ZNF471: variants seen among roughly 807,000 people sequenced by gnomAD.
ZNF471 encodes zinc finger protein 471.
In ZNF471, 7 loss-of-function variants were observed where a neutral mutation model predicts 13.7. The observed-to-expected ratio is 0.51, with a 90% CI of 0.29 to 0.96. The LOEUF is 0.96. Ranked by LOEUF, ZNF471 falls within the 40% of genes least tolerant of loss-of-function variation. The pLI, the probability that ZNF471 is intolerant of heterozygous loss-of-function variation, is 0.08. For missense variants in ZNF471, 663 were observed against 743.3 expected (o/e 0.89, Z 1.26); for synonymous variants, 218 against 235.6 (o/e 0.93, Z 0.68).
Position 56,509,750 on chromosome 19 carries a change from TGTGTA to T in ZNF471, c.-55-1765_-55-1761del. 1.7e-5 allele frequency: 5 copies of T among 301,580 alleles called. No individual in the cohort carries two copies. The South Asian group carries it at 6.6e-4, about 40-fold the overall frequency. The allele number at this position is 301,580 out of a possible 1,614,324, so 18.7% of individuals were successfully genotyped here. A position where few individuals can be genotyped will look rare whatever the true frequency, so the allele number is the denominator to read the frequency against. On this transcript the variant is annotated intron_variant, in intron 1 of 4. Transcript: ENST00000308031. The stretch of plus-strand genomic sequence containing the variant: ...GTGTGTGTGTGTGTGTGTGTGTGTG[TGTGTA>T]GATCCCCACACATCTGGTCTTAGAA...
rs1356505721 is a variant in ZNF471 at position 56,507,875 on chromosome 19, C to A, written c.-101C>A. The A allele has an allele frequency of 9.1e-6, 9 of 985,402 alleles. No homozygotes were observed. Among genetic ancestry groups the A allele is most frequent in the Non-Finnish European group, 1.1e-5 (9 of 830,048 alleles). 61.0% of individuals were successfully genotyped at this position (985,402 alleles called of 1,614,324 possible). A position where few individuals can be genotyped will look rare whatever the true frequency, so the allele number is the denominator to read the frequency against. ...GATGGGGGGTTCCAGCGTCGACTCA[C>A]GGAGTCCTTCGGATGAGAGCGTCTG... On this transcript the variant is annotated 5_prime_UTR_variant, in exon 1 of 5. Transcript: ENST00000308031.
At chr19:56,518,692 C>G (rs1210156015) in intron 4 of ZNF471, 115 bp downstream of exon 4, 1 of 797,428 alleles carries the variant, frequency 1.3e-6, no homozygotes, top group Non-Finnish European at 1.9e-6. Flanking sequence ...CCTTACAGGC[C>G]TGGAGAGAAA....
intron 4 of ZNF471, among the ~76,000 whole-genome samples, chr19:56,523,020 G>A (rs55990637): frequency 0.04 from 6,039 of 152,278 alleles, 157 homozygotes; most frequent in East Asian, 0.11. Context: ...ACAGGCATGA[G>A]CCATTGCACC....
In ZNF471 at chr19:56,525,555, T is replaced by C. The variant is rs765040103; in HGVS notation, c.1488T>C (p.Phe496=). ...AATGTAAAGAATGTGGAAAAGCTTT[T>C]AGAATCAGTTCACAGCTGGCTACTC... is the stretch of plus-strand genomic sequence containing the variant. ...PYECKECGKA[F]RISSQLATHQ... The change falls in exon 5 of 5, where the codon TTT becomes TTC. Residue 496 remains phenylalanine, a synonymous_variant. Coordinates refer to ENST00000308031, the MANE Select transcript of ZNF471 (RefSeq NM_020813.4). The C allele has an allele frequency of 6.2e-7, 1 of 1,613,990 alleles. No individual in the cohort carries two copies. Among genetic ancestry groups the C allele is most frequent in the Admixed American group, 1.7e-5 (1 of 60,022 alleles).
Position 56,516,443 on chromosome 19 carries a change from C to CT in ZNF471, c.160+48dup. On this transcript the variant is annotated intron_variant, in intron 3 of 4. Coordinates refer to ENST00000308031, the MANE Select transcript of ZNF471 (RefSeq NM_020813.4). This position sits in a 1 kb window ranked among gnomAD's most constrained non-coding sequence, Gnocchi z 4.4. The stretch of plus-strand genomic sequence containing the variant: ...TCCTGCATAATCTACCTTTAAGGAA[C>CT]TTTTTTGTCTATATATTATTAAATT... 1.3e-6 allele frequency: 2 copies of CT among 1,556,754 alleles called. No homozygotes were observed. Among genetic ancestry groups the CT allele is most frequent in the Non-Finnish European group, 1.7e-6 (2 of 1,154,844 alleles).
chr19:56,523,869 G>C (rs2044008202), intron 4 of ZNF471, among the ~76,000 whole-genome samples: 1 of 152,148 alleles, frequency 6.6e-6, no homozygotes, highest in Non-Finnish European at 1.5e-5. Flanking sequence ...TGTTGCCTAA[G>C]CTGGAGTGCA....
rs1313483126 is a variant in ZNF471, at chr19:56,528,590, A to T, written c.*2642A>T. ...GGTGATTAGCACATGTAGTATGCTTAACATTTAATATTATAATAAGACATC... is the reference window on the plus strand; with the variant it reads ...GGTGATTAGCACATGTAGTATGCTTTACATTTAATATTATAATAAGACATC... On this transcript the variant is annotated 3_prime_UTR_variant, in exon 5 of 5. Transcript: ENST00000308031. 1 of 152,208 alleles carries T rather than the reference A, an allele frequency of 6.6e-6. No homozygotes were observed. The highest frequency in any genetic ancestry group is 1.9e-4 in the East Asian group (1 of 5,196). The allele number at this position is 152,208 out of a possible 1,614,324, so 9.4% of individuals were successfully genotyped here. A position where few individuals can be genotyped will look rare whatever the true frequency, so the allele number is the denominator to read the frequency against.
At position 56,526,055 on chromosome 19, in the gene ZNF471, C is replaced by T; in HGVS notation, c.*107C>T. Reference sequence around the variant, plus strand: ...TATAAATGTAAGAAATGTAGAAAAACCTTCAGCCAGGAGGCTGGCAAGATG... The same window carrying T: ...TATAAATGTAAGAAATGTAGAAAAATCTTCAGCCAGGAGGCTGGCAAGATG... On this transcript the variant is annotated 3_prime_UTR_variant, in exon 5 of 5. Transcript: ENST00000308031. 1 of 1,269,636 alleles carries T rather than the reference C, an allele frequency of 7.9e-7. No homozygotes were observed. The highest frequency in any genetic ancestry group is 1.1e-6 in the Non-Finnish European group (1 of 938,720). The allele number at this position is 1,269,636 out of a possible 1,614,324, so 78.6% of individuals were successfully genotyped here.
In ZNF471 at chr19:56,526,509, GAA is replaced by G. The variant is rs1216039576; in HGVS notation, c.*563_*564del. 1 of 152,686 alleles carries G rather than the reference GAA, an allele frequency of 6.5e-6. No homozygotes were observed. The highest frequency in any genetic ancestry group is 2.4e-5 in the African/African-American group (1 of 41,436). The allele number at this position is 152,686 out of a possible 1,614,324, so 9.5% of individuals were successfully genotyped here. A position where few individuals can be genotyped will look rare whatever the true frequency, so the allele number is the denominator to read the frequency against. On this transcript the variant is annotated 3_prime_UTR_variant, in exon 5 of 5. Transcript: ENST00000308031. ...GCCCAGTGGCACCTGGAATGCCAGTGAAACAGAACCGCTTACTCCCTTGTTAA... is the reference window on the plus strand; with the variant it reads ...GCCCAGTGGCACCTGGAATGCCAGTGACAGAACCGCTTACTCCCTTGTTAA...
In ZNF471 at chr19:56,516,329, T is replaced by C; in HGVS notation, c.88T>C (p.Trp30Arg). The change falls in exon 3 of 5, where the codon TGG becomes CGG. Residue 30 changes from tryptophan (W) to arginine (R), a missense_variant. Transcript: ENST00000308031. This position sits in a 1 kb window ranked among gnomAD's most constrained non-coding sequence, Gnocchi z 4.4. ...AIDFSQEEWQ[W>R]MNPAQKRLYR... ...AGATTTTTCCCAGGAAGAATGGCAA[T>C]GGATGAACCCTGCTCAGAAGCGTTT... 5 of 1,613,966 alleles carry C rather than the reference T, an allele frequency of 3.1e-6. No homozygotes were observed. The highest frequency in any genetic ancestry group is 1.3e-5 in the African/African-American group (1 of 75,056).
At chr19:56,511,456 A>G (rs1180289545) in intron 1 of ZNF471, 61 bp from the exon 2 acceptor site, 28 of 1,297,924 alleles carry the variant, frequency 2.2e-5, no homozygotes, top group Non-Finnish European at 3.0e-5. Context: ...GTTTTAGGCT[A>G]GTGATTCTGG....
chr19:56,527,715 A>G lies in ZNF471; in HGVS notation c.*1767A>G, dbSNP rs944906500. 6.6e-6 allele frequency: 1 copy of G among 152,244 alleles called. No individual in the cohort carries two copies. The highest frequency in any genetic ancestry group is 1.5e-5 in the Non-Finnish European group (1 of 68,042). The allele number at this position is 152,244 out of a possible 1,614,324, so 9.4% of individuals were successfully genotyped here. On this transcript the variant is annotated 3_prime_UTR_variant, in exon 5 of 5. Coordinates refer to ENST00000308031, the MANE Select transcript of ZNF471 (RefSeq NM_020813.4). ...AACCTTCAGCCAGATTGAATGCTTT[A>G]CAGGGAAGAATTCATACTGCAGAGC... is the stretch of plus-strand genomic sequence containing the variant.
At chr19:56,517,747 G>A (rs1011174254) in intron 3 of ZNF471, among the ~76,000 whole-genome samples, 2 of 152,164 alleles carry the variant, frequency 1.3e-5, no homozygotes, top group African/African-American at 2.4e-5. Flanking sequence ...AGCTCAGATT[G>A]GATAATTTCT....
chr19:56,517,078 T>G (rs61144294), intron 3 of ZNF471, among the ~76,000 whole-genome samples: 35,439 of 151,746 alleles, frequency 0.23, 4,350 homozygotes, highest in Middle Eastern at 0.26. Context: ...GTGCCCTAGG[T>G]AACTAAGGAT....
In ZNF471 at chr19:56,516,240, G is replaced by A. The variant is rs1329358521; in HGVS notation, c.34-35G>A. 6.2e-7 allele frequency: 1 copy of A among 1,606,798 alleles called. No homozygotes were observed. Among genetic ancestry groups the A allele is most frequent in the East Asian group, 2.2e-5 (1 of 44,638 alleles). On this transcript the variant is annotated intron_variant, in intron 2 of 4. Transcript: ENST00000308031. The surrounding 1 kb of genome is among the most constrained non-coding windows in gnomAD (Gnocchi z 4.4). ...AACTCAGAGTTATCTTTGGACACGA[G>A]CATTGGTTGGTTAAGAATATATTTG... is the stretch of plus-strand genomic sequence containing the variant.
chr19:56,525,012 G>A lies in ZNF471; in HGVS notation c.945G>A (p.Glu315=). The change falls in exon 5 of 5, where the codon GAG becomes GAA. Residue 315 remains glutamate (E), a synonymous_variant. Coordinates refer to ENST00000308031, the MANE Select transcript of ZNF471 (RefSeq NM_020813.4). ...AGCATCAGAGAATTCATACTGGAGA[G>A]AAACCCTATGAATGTAAAGAATGTG... The part of the protein sequence containing the change: ...LAQHQRIHTG[E]KPYECKECGK... 1 of 1,614,006 alleles carries A rather than the reference G, an allele frequency of 6.2e-7. No homozygotes were observed. The highest frequency in any genetic ancestry group is 8.5e-7 in the Non-Finnish European group (1 of 1,179,958).
rs895625541 is a variant in ZNF471, at chr19:56,522,211, GAC to G, written c.257-2109_257-2108del. ...TCAGAGCATTTCTCCATCATTAAGTGACACAAGACTATTTTGTTATAGCAACC... is the reference window on the plus strand; with the variant it reads ...TCAGAGCATTTCTCCATCATTAAGTGACAAGACTATTTTGTTATAGCAACC... On this transcript the variant is annotated intron_variant, in intron 4 of 4. Coordinates refer to ENST00000308031, the MANE Select transcript of ZNF471 (RefSeq NM_020813.4). This position sits in a 1 kb window ranked among gnomAD's most constrained non-coding sequence, Gnocchi z 4.1. Among the ~76,000 whole-genome samples, 13 of 152,130 alleles carry G rather than the reference GAC, an allele frequency of 8.5e-5. No individual in the cohort carries two copies. The highest frequency in any genetic ancestry group is 1.2e-4 in the African/African-American group (5 of 41,414).
Position 56,524,928 on chromosome 19 carries a change from A to G in ZNF471, c.861A>G (p.Glu287=). The G allele has an allele frequency of 6.2e-7, 1 of 1,613,852 alleles. No individual in the cohort carries two copies. The highest frequency in any genetic ancestry group is 1.6e-4 in the Middle Eastern group (1 of 6,062). The part of the protein sequence containing the change: ...LIQHQRIHTG[E]KPYKCKECRK... ...AGCATCAAAGAATTCATACTGGAGA[A>G]AAACCATATAAATGTAAGGAATGCA... Residue 287 remains glutamate, a synonymous_variant, in exon 5 of 5, where the codon GAA becomes GAG. Transcript: ENST00000308031. The surrounding 1 kb of genome is among the most constrained non-coding windows in gnomAD (Gnocchi z 4.8).
rs1250697493 is a variant in ZNF471, at chr19:56,526,682, C to G, written c.*734C>G. On this transcript the variant is annotated 3_prime_UTR_variant, in exon 5 of 5. Coordinates refer to ENST00000308031, the MANE Select transcript of ZNF471 (RefSeq NM_020813.4). Reference sequence around the variant, plus strand: ...GCTTGGTGGGGGGAGGGGCGCCAACCATTACCAAAGCTTGAATAGGTGGTT... The same window carrying G: ...GCTTGGTGGGGGGAGGGGCGCCAACGATTACCAAAGCTTGAATAGGTGGTT... The G allele has an allele frequency of 3.3e-5, 5 of 152,266 alleles. No homozygotes were observed. The highest frequency in any genetic ancestry group is 3.1e-3 in the Middle Eastern group (1 of 318). 9.4% of individuals were successfully genotyped at this position (152,266 alleles called of 1,614,324 possible).
Sources: allele counts gnomAD v4.1 joint callset (sites outside exome capture counted in the v4.1 genomes callset), GRCh38; gene constraint gnomAD v4.1.1; non-coding constraint Gnocchi (gnomAD v3.1); transcripts MANE v1.5; gene names NCBI Gene and HGNC (gene_info 2026-07-23, HGNC 2026-07-21).